Variants in MAP4K4 observed in about 807,000 individuals in gnomAD.
MAP4K4 encodes HPK/GCK-like kinase HGK.
MAP4K4 carries 38 observed loss-of-function variants against 189.6 expected under a neutral mutation model. That is an observed-to-expected ratio of 0.20 (90% CI 0.15 to 0.26). The LOEUF (loss-of-function observed/expected upper bound fraction) is 0.26. Among genes scored for constraint, MAP4K4 ranks in the 10% least tolerant of loss-of-function variants. The pLI is 1.00. For synonymous variants in MAP4K4, 610 were observed against 624.3 expected (o/e 0.98, Z 0.34); for missense variants, 1,054 against 1,726.9 (o/e 0.61, Z 6.91).
At chr2:101,805,187 T>C (rs2094806502) in intron 3 of MAP4K4, among the ~76,000 whole-genome samples, 1 of 151,062 alleles carries the variant, frequency 6.6e-6, no homozygotes, top group Non-Finnish European at 1.5e-5. Context: ...AAACTGTACA[T>C]AACTCTTCAA....
intron 12 of MAP4K4, among the ~76,000 whole-genome samples, chr2:101,853,651 C>T (rs895493596): frequency 6.6e-6 from 1 of 152,098 alleles, no homozygotes; most frequent in Non-Finnish European, 1.5e-5. Flanking sequence ...TTGAAAGCCT[C>T]GCTGAATACC....
chr2:101,731,179 C>A (rs1365281824), intron 2 of MAP4K4, among the ~76,000 whole-genome samples: 2 of 151,732 alleles, frequency 1.3e-5, no homozygotes, highest in African/African-American at 4.8e-5. Context: ...TGCAGTGGCG[C>A]GATCTCGGCT....
intron 11 of MAP4K4, among the ~76,000 whole-genome samples, 198 bp downstream of exon 11, chr2:101,842,879 C>A (rs2096963198): frequency 6.6e-6 from 1 of 152,222 alleles, no homozygotes; most frequent in South Asian, 2.1e-4. Context: ...CCCAGTGATT[C>A]TTTACCAAGG....
At chr2:101,715,293 G>T (rs1455415939) in intron 2 of MAP4K4, among the ~76,000 whole-genome samples, 1 of 152,170 alleles carries the variant, frequency 6.6e-6, no homozygotes, top group Non-Finnish European at 1.5e-5. Flanking sequence ...TTTTAATTCA[G>T]TCACTTCTTC....
Position 101,718,746 on chromosome 2 carries a change from T to C in MAP4K4, c.123+20208T>C, listed in dbSNP as rs1385726816. On this transcript the variant is annotated intron_variant, in intron 2 of 32. Coordinates refer to ENST00000324219, the Ensembl canonical transcript of MAP4K4. Reference sequence around the variant, plus strand: ...GTCTTCCTCAGAGCCTCTCATACTCTAATGTGCACTCAGTCATCTTGGGAG... The same window carrying C: ...GTCTTCCTCAGAGCCTCTCATACTCCAATGTGCACTCAGTCATCTTGGGAG... Among the ~76,000 whole-genome samples, 3 of 152,180 alleles carry C rather than the reference T, an allele frequency of 2.0e-5. No individual in the cohort carries two copies. In the East Asian group the frequency reaches 5.8e-4, roughly 29 times the overall value.
chr2:101,790,993 C>T (rs2092788128), intron 3 of MAP4K4, among the ~76,000 whole-genome samples: 1 of 152,118 alleles, frequency 6.6e-6, no homozygotes, highest in Admixed American at 6.5e-5. Flanking sequence ...TCAAAACACA[C>T]GCAGTGCACA....
intron 3 of MAP4K4, among the ~76,000 whole-genome samples, chr2:101,797,889 G>GGTTTTT (rs1553478621): frequency 1.9e-5 from 1 of 52,304 alleles, no homozygotes; most frequent in Non-Finnish European, 3.3e-5. Flanking sequence ...CATTCTTTTA[G>GGTTTTT]TTTTTTTTTT....
chr2:101,720,733 T>G (rs1013543623), intron 2 of MAP4K4, among the ~76,000 whole-genome samples: 11 of 152,266 alleles, frequency 7.2e-5, no homozygotes, highest in Non-Finnish European at 1.5e-4. Context: ...TTGTGCTTTC[T>G]GAAAATTCAG....
intron 2 of MAP4K4, among the ~76,000 whole-genome samples, chr2:101,776,168 T>A (rs1558865469): frequency 6.6e-6 from 1 of 152,196 alleles, no homozygotes; most frequent in South Asian, 2.1e-4. Flanking sequence ...GCCCCTCACC[T>A]AGGGATTTTG....
Position 101,777,668 on chromosome 2 carries a change from C to T in MAP4K4, c.124-13052C>T, listed in dbSNP as rs1416800385. On this transcript the variant is annotated intron_variant, in intron 2 of 32. Coordinates refer to ENST00000324219, the Ensembl canonical transcript of MAP4K4. ...GTTTTCCCTGTAGCTTATTTCCATC[C>T]TTTTTCTTTTAACTATGAGAACGTA... Among the ~76,000 whole-genome samples the T allele has an allele frequency of 2.0e-5, 3 of 152,310 alleles. No individual in the cohort carries two copies. The South Asian group carries it at 6.2e-4, about 32-fold the overall frequency.
At chr2:101,887,934 G>A in exon 31 of MAP4K4, 1 of 1,600,562 alleles carries the variant, frequency 6.2e-7, no homozygotes, top group Non-Finnish European at 8.5e-7. Flanking sequence ...GCCTACATCA[G>A]TAGGTATGGA....
At chr2:101,732,678 C>T (rs1379330338) in intron 2 of MAP4K4, among the ~76,000 whole-genome samples, 4 of 152,182 alleles carry the variant, frequency 2.6e-5, no homozygotes, top group South Asian at 4.1e-4. Context: ...CAATCTCCGC[C>T]TCCTGAATTC....
chr2:101,767,951 C>T (rs2079387010), intron 2 of MAP4K4, among the ~76,000 whole-genome samples: 1 of 152,200 alleles, frequency 6.6e-6, no homozygotes, highest in African/African-American at 2.4e-5. Context: ...GGTGGACTTA[C>T]TATAAATCAA....
chr2:101,803,245 A>ATGTGTG (rs6146862), intron 3 of MAP4K4, among the ~76,000 whole-genome samples: 51,445 of 150,222 alleles, frequency 0.34, 8,978 homozygotes, highest in East Asian at 0.53. Flanking sequence ...GATGATGATG[A>ATGTGTG]TGTGTGTGTG....
At chr2:101,737,395 T>A (rs1483107410) in intron 2 of MAP4K4, among the ~76,000 whole-genome samples, 22 of 141,954 alleles carry the variant, frequency 1.5e-4, no homozygotes, top group Non-Finnish European at 3.0e-5. Flanking sequence ...TTGCTCCAGA[T>A]TACTTGTCAG....
At chr2:101,839,581 CCT>C (rs1275421491) in intron 9 of MAP4K4, among the ~76,000 whole-genome samples, 8 of 152,148 alleles carry the variant, frequency 5.3e-5, no homozygotes, top group Admixed American at 6.5e-5. Context: ...TTGTTAGCTC[CCT>C]GTTTGTGGTG....
intron 2 of MAP4K4, among the ~76,000 whole-genome samples, chr2:101,704,663 C>G (rs112661645): frequency 7.0e-6 from 1 of 141,890 alleles, no homozygotes; most frequent in Admixed American, 7.2e-5. Context: ...AGCTCTGCCT[C>G]CCAGGTTCAA....
chr2:101,722,229 C>A (rs2052571230), intron 2 of MAP4K4, among the ~76,000 whole-genome samples: 1 of 152,166 alleles, frequency 6.6e-6, no homozygotes, highest in Admixed American at 6.5e-5. Flanking sequence ...TTTGCTGCAA[C>A]CCCAGGATTG....
chr2:101,736,001 T>G (rs1484780679), intron 2 of MAP4K4, among the ~76,000 whole-genome samples: 1 of 152,186 alleles, frequency 6.6e-6, no homozygotes, highest in East Asian at 1.9e-4. Context: ...TGTTAAACTT[T>G]CCAGATGCCT....
Sources: allele counts gnomAD v4.1 joint callset (sites outside exome capture counted in the v4.1 genomes callset), GRCh38; gene constraint gnomAD v4.1.1; transcripts MANE v1.5; gene names NCBI Gene and HGNC (gene_info 2026-07-23, HGNC 2026-07-21).